The following CGRRF1 variants were observed in gnomAD, a reference collection of about 807,000 sequenced individuals.
CGRRF1 encodes cell growth regulator with ring finger domain 1, also known as cell growth regulator with RING finger domain protein 1.
CGRRF1 carries 32 observed loss-of-function variants against 37.2 expected under a neutral mutation model. That is an observed-to-expected ratio of 0.86 (90% CI 0.65 to 1.16). The LOEUF (loss-of-function observed/expected upper bound fraction) is 1.16, where lower values mean the gene tolerates loss of function less well. Ranked by LOEUF, CGRRF1 falls within the 50% of genes most tolerant of loss-of-function variation. The pLI is 0.00. For missense variants in CGRRF1, 391 were observed against 382.6 expected, an observed-to-expected ratio of 1.02 and a Z score of -0.18; for synonymous variants, 141 against 140.3, an observed-to-expected ratio of 1.00 and a Z score of -0.04.
chr14:54,523,586 C>T (rs182447225), intron 2 of CGRRF1, among the ~76,000 whole-genome samples: 3 of 146,158 alleles, frequency 2.1e-5, no homozygotes, highest in Admixed American at 6.9e-5. Flanking sequence ...GTGTTTACTT[C>T]GTGGATGAGA....
At chr14:54,519,774 A>G (rs1158689038) in intron 1 of CGRRF1, among the ~76,000 whole-genome samples, 1 of 152,124 alleles carries the variant, frequency 6.6e-6, no homozygotes, top group Non-Finnish European at 1.5e-5. Flanking sequence ...CTTTTTTTGG[A>G]TCCATAAAGG....
rs759599903 is a variant in CGRRF1, at chr14:54,538,286, AT to A, written c.906del (p.Gln303SerfsTer90). 6.2e-7 allele frequency: 1 copy of A among 1,614,164 alleles called. No homozygotes were observed. Among genetic ancestry groups the A allele is most frequent in the East Asian group, 2.2e-5 (1 of 44,880 alleles). ...TGCCTGTGTGATGGCTGTGTGAAGTATTTTCAGCAGTGCCCAATGTGCAGGC... is the reference window on the plus strand; with the variant it reads ...TGCCTGTGTGATGGCTGTGTGAAGTATTTCAGCAGTGCCCAATGTGCAGGC... ...HTCLCDGCVK[Y>X]FQQCPMCRQF... On this transcript the variant is annotated frameshift_variant, in exon 6 of 6. Transcript: ENST00000216420. LOFTEE classifies it high-confidence loss of function.
At chr14:54,529,918 C>A (rs2032479438) in intron 2 of CGRRF1, 131 bp from the exon 3 acceptor site, 1 of 622,458 alleles carries the variant, frequency 1.6e-6, no homozygotes, top group Non-Finnish European at 2.8e-6. Flanking sequence ...GGAGGCATAC[C>A]CTTTAACAAG....
In CGRRF1 at chr14:54,538,073, T is replaced by C; in HGVS notation, c.689T>C (p.Met230Thr). The change falls in exon 6 of 6, where the codon ATG (methionine) becomes ACG (threonine). Residue 230 changes from methionine (M) to threonine (T), a missense_variant. By Grantham distance (81) the Met-to-Thr change is moderately conservative. Coordinates refer to ENST00000216420, the MANE Select transcript of CGRRF1 (RefSeq NM_006568.3). ...GQFHDLKQLFMSANNNFTPSN... is the reference protein window; with the variant it reads ...GQFHDLKQLFTSANNNFTPSN... ...TTCTTTGATTTTCAGCAACTTTTCA[T>C]GTCTGCAAATAATAATTTCACTCCC... 2 of 1,601,396 alleles carry C rather than the reference T, an allele frequency of 1.2e-6. No homozygotes were observed. The highest frequency in any genetic ancestry group is 4.5e-5 in the East Asian group (2 of 44,764).
At chr14:54,532,017 G>T (rs929051272) in intron 4 of CGRRF1, among the ~76,000 whole-genome samples, 1 of 152,074 alleles carries the variant, frequency 6.6e-6, no homozygotes, top group African/African-American at 2.4e-5. Context: ...GGTTTCTTAG[G>T]ACAGGGCAAA....
intron 2 of CGRRF1, among the ~76,000 whole-genome samples, chr14:54,524,404 G>A (rs1321294849): frequency 2.3e-5 from 3 of 128,186 alleles, no homozygotes; most frequent in Non-Finnish European, 4.7e-5. Context: ...TTTTTTTTTC[G>A]AGACAGGCTC....
chr14:54,537,487 G>A (rs1247107425), intron 4 of CGRRF1: 23 of 281,684 alleles, frequency 8.2e-5, no homozygotes, highest in Non-Finnish European at 1.5e-4. Flanking sequence ...GTAAATTTGA[G>A]TACAATTAAA....
rs1256061848 is a variant in CGRRF1, at chr14:54,530,912, G to A, written c.432G>A (p.Lys144=). The A allele has an allele frequency of 6.3e-7, 1 of 1,590,978 alleles. No homozygotes were observed. Among genetic ancestry groups the A allele is most frequent in the Admixed American group, 1.7e-5 (1 of 59,460 alleles). ...TTACATTTTCAAAAAGTATTAAAAA[G>A]GATAGCAAAGAAGAAATATATTGCC... The part of the protein sequence containing the change: ...YLYQEQYFIK[K]DSKEEIYCQL... Residue 144 remains lysine (K), a synonymous_variant, in exon 4 of 6, where the codon AAG becomes AAA. Transcript: ENST00000216420.
chr14:54,535,374 C>T (rs1169239832), intron 4 of CGRRF1, among the ~76,000 whole-genome samples: 1 of 143,838 alleles, frequency 7.0e-6, no homozygotes, highest in Non-Finnish European at 1.6e-5. Context: ...CACACACACA[C>T]ACACACACAC....
chr14:54,537,605 T>G lies in CGRRF1; in HGVS notation c.571-117T>G, dbSNP rs996745930. On this transcript the variant is annotated intron_variant, in intron 4 of 5. Transcript: ENST00000216420. ...ATCAGCCTTTTATTTTTGAGAAGCA[T>G]TTTTCTTTTTTTTTGGCAGAAGACA... 9.2e-6 allele frequency: 10 copies of G among 1,081,788 alleles called. No individual in the cohort carries two copies. In the South Asian group the frequency reaches 2.3e-4, roughly 25 times the overall value. 67.0% of individuals were successfully genotyped at this position (1,081,788 alleles called of 1,614,324 possible). A position where few individuals can be genotyped will look rare whatever the true frequency, so the allele number is the denominator to read the frequency against.
intron 2 of CGRRF1, among the ~76,000 whole-genome samples, chr14:54,526,144 AT>A (rs745596386): frequency 0.023 from 2,515 of 107,054 alleles, 20 homozygotes; most frequent in East Asian, 0.09. Flanking sequence ...TATATTTAAG[AT>A]TTTTTTTTTT....
intron 1 of CGRRF1, among the ~76,000 whole-genome samples, chr14:54,511,177 T>C (rs1190776506): frequency 1.3e-5 from 2 of 152,116 alleles, no homozygotes; most frequent in South Asian, 4.1e-4. Flanking sequence ...ACACGGGCCC[T>C]TGTCGGTTTC....
At chr14:54,524,696 A>G (rs75152922) in intron 2 of CGRRF1, among the ~76,000 whole-genome samples, 8,907 of 152,186 alleles carry the variant, frequency 0.059, 363 homozygotes, top group Non-Finnish European at 0.091. Context: ...CTTGGCCCCA[A>G]AAAGTACAAA....
intron 1 of CGRRF1, among the ~76,000 whole-genome samples, chr14:54,517,389 C>A (rs531807901): frequency 6.6e-6 from 1 of 152,138 alleles, no homozygotes; most frequent in Non-Finnish European, 1.5e-5. Context: ...TTACCCAACT[C>A]TTTTATAAAA....
At chr14:54,534,908 A>G (rs951787220) in intron 4 of CGRRF1, among the ~76,000 whole-genome samples, 3 of 152,140 alleles carry the variant, frequency 2.0e-5, no homozygotes, top group African/African-American at 7.2e-5. Flanking sequence ...TTCTAAAGAC[A>G]GGATCTTACT....
At chr14:54,510,121 C>G in intron 1 of CGRRF1, 58 bp downstream of exon 1, 19 of 1,341,500 alleles carry the variant, frequency 1.4e-5, no homozygotes, top group Non-Finnish European at 1.6e-5. Context: ...GGGGTCGCGA[C>G]GAGCAGCAGG....
At chr14:54,538,006 T>C (rs901354071) in intron 5 of CGRRF1, 57 bp from the exon 6 acceptor site, 3 of 1,457,500 alleles carry the variant, frequency 2.1e-6, no homozygotes, top group Non-Finnish European at 2.7e-6. Context: ...TGACCCCCAA[T>C]TTTAAAGAGT....
intron 2 of CGRRF1, 40 bp from the exon 3 acceptor site, chr14:54,530,009 C>T (rs766463163): frequency 2.0e-6 from 3 of 1,534,814 alleles, no homozygotes; most frequent in Admixed American, 1.7e-5. Flanking sequence ...TTAGAAGTTA[C>T]ATTAAATCAC....
intron 2 of CGRRF1, among the ~76,000 whole-genome samples, chr14:54,524,020 C>T (rs368118953): frequency 2.0e-5 from 3 of 152,182 alleles, no homozygotes; most frequent in Admixed American, 6.5e-5. Flanking sequence ...TTTGCATTTT[C>T]CTTCTCTTAG....
Sources: gnomAD v4.1 joint callset for allele counts (sites outside exome capture counted in the v4.1 genomes callset) on GRCh38, gnomAD v4.1.1 for gene constraint, MANE v1.5 for transcripts, NCBI Gene and HGNC (gene_info 2026-07-23, HGNC 2026-07-21) for gene names.